Variants in RANBP17 observed in about 807,000 individuals in gnomAD.
RANBP17 encodes the protein ran-binding protein 17.
In RANBP17, 158 loss-of-function variants were observed where a neutral mutation model predicts 141.2. The observed-to-expected ratio is 1.12, with a 90% CI of 0.98 to 1.28. RANBP17 has a LOEUF of 1.28. Among genes scored for constraint, RANBP17 ranks in the 50% most tolerant of loss-of-function variants. RANBP17 has a pLI of 0.00. For missense variants in RANBP17, 1,438 were observed against 1,290.7 expected, an observed-to-expected ratio of 1.11 and a Z score of -1.75; for synonymous variants, 430 against 450.0, an observed-to-expected ratio of 0.96 and a Z score of 0.56.
At chr5:171,095,078 C>T (rs1009350756) in intron 14 of RANBP17, among the ~76,000 whole-genome samples, 3 of 152,146 alleles carry the variant, frequency 2.0e-5, no homozygotes, top group Non-Finnish European at 4.4e-5. Flanking sequence ...TATTCTTGGA[C>T]TTGCCAGCCT....
chr5:170,893,186 T>G (rs978589573), intron 4 of RANBP17, among the ~76,000 whole-genome samples: 1 of 151,412 alleles, frequency 6.6e-6, no homozygotes, highest in Non-Finnish European at 1.5e-5. Flanking sequence ...GTGATTAAAA[T>G]AAAGTCATAG....
intron 14 of RANBP17, among the ~76,000 whole-genome samples, chr5:171,127,975 G>A (rs1337544637): frequency 2.6e-5 from 4 of 152,142 alleles, no homozygotes; most frequent in African/African-American, 9.7e-5. Flanking sequence ...TGGCTAGCAC[G>A]GTGAAACCCC....
intron 14 of RANBP17, among the ~76,000 whole-genome samples, chr5:170,990,717 C>G (rs1778446322): frequency 6.6e-6 from 1 of 151,940 alleles, no homozygotes; most frequent in Non-Finnish European, 1.5e-5. Context: ...CTTTTCTCAA[C>G]TAGCAAATGA....
chr5:171,065,045 G>A (rs746039064), intron 14 of RANBP17, among the ~76,000 whole-genome samples: 1 of 151,964 alleles, frequency 6.6e-6, no homozygotes, highest in Non-Finnish European at 1.5e-5. Context: ...TAGGATTTTA[G>A]TCATAGTTAG....
At position 171,199,682 on chromosome 5, in the gene RANBP17, A is replaced by G. The variant is rs765741307; in HGVS notation, c.2051A>G (p.Asp684Gly). The G allele has an allele frequency of 6.2e-7, 1 of 1,607,398 alleles. No homozygotes were observed. The highest frequency in any genetic ancestry group is 8.5e-7 in the Non-Finnish European group (1 of 1,175,244). ...GTTTCTCTGATAGGTGAAGATGAGGATGAATTTGAGAATTTCATGCTGCCT... is the reference window on the plus strand; with the variant it reads ...GTTTCTCTGATAGGTGAAGATGAGGGTGAATTTGAGAATTTCATGCTGCCT... The part of the protein sequence containing the change: ...LLMVDLGEDE[D>G]EFENFMLPLT... The change falls in exon 19 of 28, where the codon GAT (aspartate) becomes GGT (glycine). Residue 684 changes from aspartate (D) to glycine (G), a missense_variant. By Grantham distance (94) the Asp-to-Gly change is moderately conservative. Coordinates refer to ENST00000523189, the MANE Select transcript of RANBP17 (RefSeq NM_022897.5).
chr5:171,076,753 A>G (rs1784948735), intron 14 of RANBP17, among the ~76,000 whole-genome samples: 1 of 152,222 alleles, frequency 6.6e-6, no homozygotes, highest in African/African-American at 2.4e-5. Flanking sequence ...AGAGAGTATC[A>G]GTACTAATAT....
rs1296962067 is a variant in RANBP17 at position 170,969,993 on chromosome 5, T to TA, written c.1710+1617dup. Among the ~76,000 whole-genome samples, 4 of 151,956 alleles carry TA rather than the reference T, an allele frequency of 2.6e-5. No individual in the cohort carries two copies. The East Asian group carries it at 7.7e-4, about 29-fold the overall frequency. ...TTCCTACTTTTTGGTTTCTCTGACT[T>TA]ACCTGCCAATCTGTCTTAATAGAAA... is the stretch of plus-strand genomic sequence containing the variant. On this transcript the variant is annotated intron_variant, in intron 14 of 27. Transcript: ENST00000523189.
intron 14 of RANBP17, among the ~76,000 whole-genome samples, chr5:170,990,462 A>G (rs925423592): frequency 4.6e-5 from 7 of 151,940 alleles, no homozygotes; most frequent in African/African-American, 1.7e-4. Flanking sequence ...TGAAAAGGCC[A>G]ACAAATTTTT....
At chr5:170,933,260 C>G (rs1262729128) in intron 12 of RANBP17, among the ~76,000 whole-genome samples, 1 of 151,900 alleles carries the variant, frequency 6.6e-6, no homozygotes, top group Admixed American at 6.6e-5. Context: ...TTGTGATATC[C>G]CCTTTATCAT....
chr5:170,955,466 CTATA>C (rs10610368), intron 13 of RANBP17, among the ~76,000 whole-genome samples: 76,831 of 122,836 alleles, frequency 0.63, 25,213 homozygotes, highest in South Asian at 0.89. Context: ...ATATATATAT[CTATA>C]TATATATATA....
chr5:171,274,549 G>A (rs975374125), intron 25 of RANBP17, among the ~76,000 whole-genome samples: 1 of 151,996 alleles, frequency 6.6e-6, no homozygotes, highest in African/African-American at 2.4e-5. Context: ...AACAGAAAAA[G>A]CAATTAAAAA....
intron 22 of RANBP17, among the ~76,000 whole-genome samples, chr5:171,232,857 AATTT>A (rs1446636795): frequency 6.6e-6 from 1 of 152,222 alleles, no homozygotes; most frequent in Non-Finnish European, 1.5e-5. Flanking sequence ...GTCATACTAT[AATTT>A]ATTAATCGCC....
intron 12 of RANBP17, among the ~76,000 whole-genome samples, chr5:170,928,512 T>A (rs1017822482): frequency 1.3e-5 from 2 of 152,082 alleles, no homozygotes; most frequent in African/African-American, 4.8e-5. Flanking sequence ...TTTTTGTGAA[T>A]GTTGTGAGTT....
intron 12 of RANBP17, among the ~76,000 whole-genome samples, chr5:170,939,440 A>G (rs1035290081): frequency 6.6e-6 from 1 of 151,820 alleles, no homozygotes; most frequent in East Asian, 1.9e-4. Flanking sequence ...GCTGGAGTGC[A>G]GTGGCGTGAT....
chr5:170,898,371 TG>T (rs1353402485), intron 5 of RANBP17, among the ~76,000 whole-genome samples: 3 of 152,144 alleles, frequency 2.0e-5, no homozygotes, highest in Non-Finnish European at 4.4e-5. Context: ...CACTTTGTGA[TG>T]GGGTTTTTTT....
chr5:170,991,613 C>T (rs1470682928), intron 14 of RANBP17, among the ~76,000 whole-genome samples: 3 of 151,934 alleles, frequency 2.0e-5, no homozygotes, highest in Non-Finnish European at 2.9e-5. Context: ...CTCCAGCCAG[C>T]TCTGGGCTTC....
intron 12 of RANBP17, among the ~76,000 whole-genome samples, chr5:170,940,187 A>T (rs1774212330): frequency 6.6e-6 from 1 of 152,164 alleles, no homozygotes. Context: ...AAGTAAAAGG[A>T]TTTTTTAAAA....
At chr5:171,025,158 G>C (rs993404840) in intron 14 of RANBP17, among the ~76,000 whole-genome samples, 1 of 152,142 alleles carries the variant, frequency 6.6e-6, no homozygotes, top group Non-Finnish European at 1.5e-5. Context: ...CCTAGTCCAA[G>C]CTGCCTTTCC....
chr5:170,919,333 G>T, intron 10 of RANBP17, 108 bp from the exon 11 acceptor site: 1 of 801,782 alleles, frequency 1.2e-6, no homozygotes, highest in East Asian at 2.9e-5. Context: ...TAGTTTTATA[G>T]TAAGAATAAA....
Sources: gnomAD v4.1 joint callset for allele counts (sites outside exome capture counted in the v4.1 genomes callset) on GRCh38, gnomAD v4.1.1 for gene constraint, MANE v1.5 for transcripts, NCBI Gene and HGNC (gene_info 2026-07-23, HGNC 2026-07-21) for gene names.